THRB: variants seen among roughly 807,000 people sequenced by gnomAD.
THRB encodes nuclear receptor subfamily 1 group A member 2.
A neutral mutation model predicts 47.8 loss-of-function variants in THRB; 12 were observed. The ratio of observed to expected loss-of-function variants is 0.25; its 90% CI spans 0.16 to 0.41. The LOEUF is 0.41. Ranked by LOEUF, THRB falls within the 10% of genes least tolerant of loss-of-function variation. The probability of loss-of-function intolerance (pLI) is 1.00; values close to 1 mark genes in which losing one functional copy is unlikely to be tolerated. For synonymous variants in THRB, 218 were observed against 212.2 expected, an observed-to-expected ratio of 1.03 and a Z score of -0.24; for missense variants, 348 against 589.2, an observed-to-expected ratio of 0.59 and a Z score of 4.24.
At chr3:24,286,556 C>G (rs1055538663) in intron 3 of THRB, among the ~76,000 whole-genome samples, 6 of 152,120 alleles carry the variant, frequency 3.9e-5, no homozygotes, top group African/African-American at 1.4e-4. Flanking sequence ...CAAAAATCTG[C>G]ATTTGGACAA....
At chr3:24,280,122 T>G (rs1422522209) in intron 3 of THRB, among the ~76,000 whole-genome samples, 1 of 152,082 alleles carries the variant, frequency 6.6e-6, no homozygotes, top group African/African-American at 2.4e-5. Flanking sequence ...GATGGCCAAA[T>G]AGGAACAGCT....
chr3:24,465,529 A>G (rs1022068460), intron 1 of THRB, among the ~76,000 whole-genome samples: 7 of 152,184 alleles, frequency 4.6e-5, no homozygotes, highest in East Asian at 1.9e-4. Context: ...CAGTCTCCCA[A>G]GTATCTGGAA....
At chr3:24,185,405 T>C (rs1211131727) in intron 5 of THRB, among the ~76,000 whole-genome samples, 1 of 152,148 alleles carries the variant, frequency 6.6e-6, no homozygotes, top group Non-Finnish European at 1.5e-5. Flanking sequence ...GAACTTCAAC[T>C]GATTTTAAAA....
At chr3:24,330,245 T>C (rs930501717) in intron 2 of THRB, among the ~76,000 whole-genome samples, 98 of 152,190 alleles carry the variant, frequency 6.4e-4, no homozygotes, top group Non-Finnish European at 1.1e-3. Context: ...AAGCGGAGCT[T>C]GCAGTGAGCC....
chr3:24,407,088 T>C (rs534332189), intron 1 of THRB, among the ~76,000 whole-genome samples: 35 of 151,942 alleles, frequency 2.3e-4, no homozygotes, highest in African/African-American at 7.5e-4. Flanking sequence ...AAACAAACTT[T>C]GGCAGTGGGT....
At chr3:24,143,857 C>T in intron 7 of THRB, 151 bp from the exon 8 acceptor site, 1 of 738,676 alleles carries the variant, frequency 1.4e-6, no homozygotes, top group Admixed American at 2.1e-5. Context: ...AGTTTCTCTC[C>T]TCACCAGCAA....
chr3:24,303,779 A>C (rs1334302690), intron 2 of THRB, among the ~76,000 whole-genome samples: 1 of 152,220 alleles, frequency 6.6e-6, no homozygotes, highest in African/African-American at 2.4e-5. Context: ...AGTGAAACAG[A>C]AGGATACACC....
intron 1 of THRB, among the ~76,000 whole-genome samples, chr3:24,361,736 T>G (rs2064082790): frequency 6.6e-6 from 1 of 152,132 alleles, no homozygotes; most frequent in African/African-American, 2.4e-5. Flanking sequence ...CCAGAGCTAA[T>G]AAACAGTGAG....
rs116275416 is a variant in THRB, at chr3:24,388,037, G to A, written c.-260-50666C>T. On this transcript the variant is annotated intron_variant, in intron 1 of 10. Coordinates refer to ENST00000646209, the MANE Select transcript of THRB (RefSeq NM_001354712.2). ...CTACAGCTATGATGGGTATTGTCACGCACCACCCAGATCTCCTTCAGTAAG... is the reference window on the plus strand; with the variant it reads ...CTACAGCTATGATGGGTATTGTCACACACCACCCAGATCTCCTTCAGTAAG... Among the ~76,000 whole-genome samples, 1,105 of 152,030 alleles carry A rather than the reference G, an allele frequency of 7.3e-3. 12 individuals are homozygous for A. Among genetic ancestry groups the A allele is most frequent in the African/African-American group, 0.025 (1,054 of 41,486 alleles).
At chr3:24,202,037 C>T (rs139186859) in intron 4 of THRB, among the ~76,000 whole-genome samples, 2 of 152,280 alleles carry the variant, frequency 1.3e-5, no homozygotes, top group African/African-American at 4.8e-5. Context: ...CAAGATCACA[C>T]AGTGGATAAA....
At chr3:24,278,604 T>G (rs1277612972) in intron 3 of THRB, among the ~76,000 whole-genome samples, 1 of 152,156 alleles carries the variant, frequency 6.6e-6, no homozygotes, top group African/African-American at 2.4e-5. Context: ...ATCACAACCC[T>G]CTATTTAAAT....
intron 1 of THRB, among the ~76,000 whole-genome samples, chr3:24,430,443 C>G (rs532355105): frequency 6.6e-6 from 1 of 152,070 alleles, no homozygotes; most frequent in East Asian, 1.9e-4. Context: ...AATCAGATCC[C>G]TACCTCATGC....
At position 24,143,692 on chromosome 3, in the gene THRB, T is replaced by C; in HGVS notation, c.547A>G (p.Ser183Gly). 1 of 1,614,164 alleles carries C rather than the reference T, an allele frequency of 6.2e-7. No homozygotes were observed. The highest frequency in any genetic ancestry group is 1.7e-4 in the Middle Eastern group (1 of 6,060). ...GMATDLVLDD[S>G]KRLAKRKLIE... is the part of the protein sequence containing the mutation. Reference sequence around the variant, plus strand: ...AGCTTCCTCTTGGCCAGCCTCTTGCTGTCATCCAGCACCACTGGGAGGGGG... The same window carrying C: ...AGCTTCCTCTTGGCCAGCCTCTTGCCGTCATCCAGCACCACTGGGAGGGGG... Residue 183 changes from serine to glycine, a missense_variant, in exon 8 of 11, where the codon AGC (serine) becomes GGC (glycine). This residue lies in a region of THRB where 112 missense variants were observed against 212.3 expected (regional missense o/e 0.53). Coordinates refer to ENST00000646209, the MANE Select transcript of THRB (RefSeq NM_001354712.2).
intron 2 of THRB, among the ~76,000 whole-genome samples, chr3:24,336,867 G>A (rs547485349): frequency 4.6e-5 from 7 of 151,990 alleles, no homozygotes; most frequent in East Asian, 1.9e-4. Context: ...GACTACAGGC[G>A]CCCACCACCA....
intron 1 of THRB, among the ~76,000 whole-genome samples, chr3:24,407,870 T>C (rs533908938): frequency 6.6e-6 from 1 of 151,892 alleles, no homozygotes; most frequent in Non-Finnish European, 1.5e-5. Flanking sequence ...AATTTGCTAG[T>C]GACGATCAAC....
In THRB at chr3:24,122,078, T is replaced by C. The variant is rs1482869760; in HGVS notation, c.*806A>G. 1 of 152,614 alleles carries C rather than the reference T, an allele frequency of 6.6e-6. No individual in the cohort carries two copies. Among genetic ancestry groups the C allele is most frequent in the African/African-American group, 2.4e-5 (1 of 41,416 alleles). 9.5% of individuals were successfully genotyped at this position (152,614 alleles called of 1,614,324 possible). A position where few individuals can be genotyped will look rare whatever the true frequency, so the allele number is the denominator to read the frequency against. ...ATAGGTTTGATTTCTGTAAAAGTGT[T>C]CTCTGAGCCTAAATGGGAAAGAAGC... On this transcript the variant is annotated 3_prime_UTR_variant, in exon 11 of 11. Coordinates refer to ENST00000646209, the MANE Select transcript of THRB (RefSeq NM_001354712.2).
At chr3:24,191,854 A>G (rs1429374051) in intron 4 of THRB, among the ~76,000 whole-genome samples, 6 of 152,232 alleles carry the variant, frequency 3.9e-5, no homozygotes, top group Non-Finnish European at 8.8e-5. Context: ...GTCATAGTAA[A>G]TGGAAATGCT....
At chr3:24,403,018 G>A (rs970985715) in intron 1 of THRB, among the ~76,000 whole-genome samples, 7 of 151,818 alleles carry the variant, frequency 4.6e-5, no homozygotes, top group Non-Finnish European at 5.9e-5. Context: ...GTTAATCCAG[G>A]AATTCATATA....
intron 2 of THRB, among the ~76,000 whole-genome samples, chr3:24,310,215 G>A (rs947679118): frequency 6.6e-6 from 1 of 152,138 alleles, no homozygotes; most frequent in Non-Finnish European, 1.5e-5. Flanking sequence ...AAGGAATTCT[G>A]TTCAGAATAA....
Sources: allele counts gnomAD v4.1 joint callset (sites outside exome capture counted in the v4.1 genomes callset), GRCh38; gene constraint gnomAD v4.1.1; regional missense constraint gnomAD v4.1.1; transcripts MANE v1.5; gene names NCBI Gene and HGNC (gene_info 2026-07-23, HGNC 2026-07-21).